DYNC2H1: variants seen among roughly 807,000 people sequenced by gnomAD.
DYNC2H1 encodes dynein cytoplasmic 2 heavy chain 1.
A neutral mutation model predicts 570.0 loss-of-function variants in DYNC2H1; 410 were observed. The observed-to-expected ratio is 0.72, with a 90% CI of 0.66 to 0.78. The LOEUF is 0.78. DYNC2H1 is among the 30% of genes least tolerant of loss of function. The pLI is 0.00. For missense variants in DYNC2H1, 4,865 were observed against 5,046.4 expected (o/e 0.96, Z 1.09); for synonymous variants, 1,688 against 1,677.6 (o/e 1.01, Z -0.15).
At chr11:103,284,590 T>A (rs1225799370) in intron 73 of DYNC2H1, among the ~76,000 whole-genome samples, 1 of 152,148 alleles carries the variant, frequency 6.6e-6, no homozygotes, top group Admixed American at 6.5e-5. Flanking sequence ...GTCAATAAAG[T>A]TAACAGACCA....
In DYNC2H1 at chr11:103,259,920, A is replaced by C. The variant is rs966451288; in HGVS notation, c.10638A>C (p.Ser3546=). 3 of 1,548,666 alleles carry C rather than the reference A, an allele frequency of 1.9e-6. No individual in the cohort carries two copies. The highest frequency in any genetic ancestry group is 2.6e-6 in the Non-Finnish European group (3 of 1,145,996). The change falls in exon 70 of 89, where the codon TCA becomes TCC. Residue 3546 remains serine, a synonymous_variant. Coordinates refer to ENST00000375735, the MANE Select transcript of DYNC2H1 (RefSeq NM_001377.3). ...DSENTEQRIQ[S]LISSLQHMVY... The stretch of plus-strand genomic sequence containing the variant: ...AAAATACAGAACAGAGAATCCAGTC[A>C]CTTATCAGCTCATTACAACATATGG...
chr11:103,258,910 T>A (rs1267151233), intron 69 of DYNC2H1, among the ~76,000 whole-genome samples: 1 of 152,204 alleles, frequency 6.6e-6, no homozygotes, highest in Non-Finnish European at 1.5e-5. Context: ...TATGTGATCT[T>A]TGTTAACATA....
chr11:103,432,491 T>C (rs1018786303), intron 84 of DYNC2H1, among the ~76,000 whole-genome samples: 2 of 152,166 alleles, frequency 1.3e-5, no homozygotes, highest in African/African-American at 4.8e-5. Flanking sequence ...CTGCACTGTA[T>C]GTTCGTTAGT....
chr11:103,192,208 T>C lies in DYNC2H1; in HGVS notation c.7652T>C (p.Ile2551Thr), dbSNP rs1168925044. ...GAKELHLFDI[I>T]LTSVFQGDWG... ...AAGGAACTTCATTTATTTGACATCA[T>C]TTTAACATCAGTGTTTCAAGGAGAT... The change falls in exon 47 of 89, where the codon ATT (isoleucine) becomes ACT (threonine). Residue 2551 changes from isoleucine to threonine, a missense_variant. Coordinates refer to ENST00000375735, the MANE Select transcript of DYNC2H1 (RefSeq NM_001377.3). 2.5e-6 allele frequency: 4 copies of C among 1,591,468 alleles called. No homozygotes were observed. The highest frequency in any genetic ancestry group is 1.7e-5 in the Admixed American group (1 of 59,582).
At chr11:103,251,642 A>G (rs1386378342) in intron 65 of DYNC2H1, among the ~76,000 whole-genome samples, 1 of 152,084 alleles carries the variant, frequency 6.6e-6, no homozygotes, top group East Asian at 1.9e-4. Context: ...AGACTTAATC[A>G]TCCTACATAT....
At chr11:103,440,484 C>CAA (rs1944228261) in intron 85 of DYNC2H1, among the ~76,000 whole-genome samples, 6 of 152,274 alleles carry the variant, frequency 3.9e-5, no homozygotes, top group Middle Eastern at 3.4e-3. Flanking sequence ...CAAATCCTGC[C>CAA]ACCCTTCATT....
rs373362490 is a variant in DYNC2H1, at chr11:103,280,241, T to A, written c.10696-107T>A. 6.5e-5 allele frequency: 67 copies of A among 1,027,286 alleles called. 1 individual carries two copies. Among genetic ancestry groups the A allele is most frequent in the African/African-American group, 3.6e-4 (22 of 61,682 alleles). 63.6% of individuals were successfully genotyped at this position (1,027,286 alleles called of 1,614,324 possible). ...TTTCTTACATCGATAAAAAAGTAGGTCATATGAAGACAGAATAGAGATTTT... is the reference window on the plus strand; with the variant it reads ...TTTCTTACATCGATAAAAAAGTAGGACATATGAAGACAGAATAGAGATTTT... On this transcript the variant is annotated intron_variant, in intron 70 of 88. Transcript: ENST00000375735. This position sits in a 1 kb window ranked among gnomAD's most constrained non-coding sequence, Gnocchi z 4.7.
intron 6 of DYNC2H1, among the ~76,000 whole-genome samples, chr11:103,118,925 T>G (rs568676763): frequency 6.6e-6 from 1 of 152,262 alleles, no homozygotes; most frequent in Non-Finnish European, 1.5e-5. Flanking sequence ...CTCCAACTTT[T>G]AAAAAATGCT....
rs571996156 is a variant in DYNC2H1 at position 103,376,676 on chromosome 11, A to T, written c.12156+18317A>T. 2.0e-5 allele frequency among the ~76,000 whole-genome samples: 3 copies of T among 152,098 alleles called. No homozygotes were observed. In the East Asian group the frequency reaches 5.8e-4, roughly 29 times the overall value. ...CACTATTTGTAGCTGCTGTTTTTTC[A>T]CCATTTTGACTTTAAATCTTCATAC... On this transcript the variant is annotated intron_variant, in intron 83 of 88. Transcript: ENST00000375735.
At chr11:103,215,546 A>T (rs1466497295) in intron 54 of DYNC2H1, among the ~76,000 whole-genome samples, 175 bp from the exon 55 acceptor site, 1 of 152,218 alleles carries the variant, frequency 6.6e-6, no homozygotes, top group East Asian at 1.9e-4. Flanking sequence ...CTTAATGAGT[A>T]TCATGTGAAA....
rs1222690406 is a variant in DYNC2H1 at position 103,121,448 on chromosome 11, T to G, written c.1437T>G (p.Leu479=). The G allele has an allele frequency of 1.2e-6, 2 of 1,613,540 alleles. No homozygotes were observed. The highest frequency in any genetic ancestry group is 2.2e-5 in the South Asian group (2 of 90,992). ...DASGPLSGKN[L]SEVVNSIVWV... is the part of the protein sequence containing the mutation. The stretch of plus-strand genomic sequence containing the variant: ...CTGGACCACTTTCTGGCAAAAATCT[T>G]TCAGAAGTTGTCAACAGTATAGTTT... The change falls in exon 10 of 89, where the codon CTT becomes CTG. Residue 479 remains leucine, a synonymous_variant. Transcript: ENST00000375735.
intron 78 of DYNC2H1, among the ~76,000 whole-genome samples, chr11:103,308,197 C>T (rs1267025206): frequency 2.0e-5 from 3 of 152,098 alleles, no homozygotes; most frequent in Non-Finnish European, 1.5e-5. Context: ...TTTGCCCTAT[C>T]CTCTGGCAAC....
intron 72 of DYNC2H1, among the ~76,000 whole-genome samples, chr11:103,282,481 T>C (rs1219893496): frequency 1.3e-5 from 2 of 152,004 alleles, no homozygotes; most frequent in African/African-American, 4.8e-5. Flanking sequence ...TCAGTATATG[T>C]ATTTTATTCC....
At chr11:103,270,707 C>T (rs1865675854) in intron 70 of DYNC2H1, among the ~76,000 whole-genome samples, 1 of 152,012 alleles carries the variant, frequency 6.6e-6, no homozygotes, top group South Asian at 2.1e-4. Context: ...TGGCATGGAT[C>T]TGCTGGACAA....
intron 84 of DYNC2H1, among the ~76,000 whole-genome samples, chr11:103,434,397 C>G (rs764538331): frequency 1.3e-5 from 2 of 150,036 alleles, no homozygotes; most frequent in Non-Finnish European, 3.0e-5. Context: ...TATTGTTTAA[C>G]AGAGGGTTGT....
intron 80 of DYNC2H1, among the ~76,000 whole-genome samples, chr11:103,318,877 C>T (rs1297863416): frequency 1.3e-5 from 2 of 152,074 alleles, no homozygotes; most frequent in East Asian, 3.8e-4. Flanking sequence ...TCTTCCTACT[C>T]CTTTCTACCT....
chr11:103,351,292 C>T (rs773432342), intron 82 of DYNC2H1, among the ~76,000 whole-genome samples: 2 of 152,046 alleles, frequency 1.3e-5, no homozygotes, highest in Non-Finnish European at 2.9e-5. Context: ...GGGTTAAGTC[C>T]GGAAAGTAAA....
chr11:103,194,057 T>A (rs1283245300), intron 47 of DYNC2H1, among the ~76,000 whole-genome samples: 2 of 152,200 alleles, frequency 1.3e-5, no homozygotes, highest in African/African-American at 2.4e-5. Context: ...GCTAGTGTGG[T>A]TAGATGCCAC....
intron 26 of DYNC2H1, 66 bp from the exon 27 acceptor site, chr11:103,158,611 A>T: frequency 7.5e-7 from 1 of 1,330,538 alleles, no homozygotes. Flanking sequence ...AAAAAGTCTT[A>T]ATCTGTTTTT....
Sources: gnomAD v4.1 joint callset for allele counts (sites outside exome capture counted in the v4.1 genomes callset) on GRCh38, gnomAD v4.1.1 for gene constraint, Gnocchi (gnomAD v3.1) non-coding constraint, MANE v1.5 for transcripts, NCBI Gene and HGNC (gene_info 2026-07-23, HGNC 2026-07-21) for gene names.